Variants in CAMK2D observed in about 807,000 individuals in gnomAD.
CAMK2D encodes the protein calcium/calmodulin dependent protein kinase II delta, also known as calcium/calmodulin-dependent protein kinase type II subunit delta.
A neutral mutation model predicts 84.0 loss-of-function variants in CAMK2D; 37 were observed. The ratio of observed to expected loss-of-function variants is 0.44; its 90% CI spans 0.34 to 0.58. The LOEUF (loss-of-function observed/expected upper bound fraction) is 0.58, where lower values mean the gene tolerates loss of function less well. Ranked by LOEUF, CAMK2D falls within the 20% of genes least tolerant of loss-of-function variation. CAMK2D has a pLI of 0.02. For missense variants in CAMK2D, 448 were observed against 652.5 expected, an observed-to-expected ratio of 0.69 and a Z score of 3.41; for synonymous variants, 202 against 212.5, an observed-to-expected ratio of 0.95 and a Z score of 0.43.
At chr4:113,602,726 C>CT (rs1252299286) in intron 4 of CAMK2D, among the ~76,000 whole-genome samples, 1 of 152,156 alleles carries the variant, frequency 6.6e-6, no homozygotes, top group Non-Finnish European at 1.5e-5. Flanking sequence ...TCTAACCACC[C>CT]TTTTGAGTTA....
chr4:113,753,904 T>A, intron 2 of CAMK2D: 1 of 984,638 alleles, frequency 1.0e-6, no homozygotes, highest in Non-Finnish European at 1.2e-6. Flanking sequence ...AATAATCTTG[T>A]CCTCCTTTAA....
chr4:113,557,787 C>T (rs2098674871), intron 4 of CAMK2D, among the ~76,000 whole-genome samples: 2 of 152,136 alleles, frequency 1.3e-5, no homozygotes, highest in South Asian at 4.1e-4. Context: ...TTCCCCTGGG[C>T]ACATATACGT....
intron 4 of CAMK2D, among the ~76,000 whole-genome samples, chr4:113,590,843 A>G (rs750745768): frequency 2.6e-5 from 4 of 152,182 alleles, no homozygotes; most frequent in Non-Finnish European, 5.9e-5. Context: ...CACATATCAC[A>G]CAATATGACT....
intron 18 of CAMK2D, 93 bp from the exon 19 acceptor site, chr4:113,457,656 G>A (rs1475295739): frequency 2.2e-6 from 2 of 905,884 alleles, no homozygotes; most frequent in African/African-American, 3.3e-5. Context: ...TGAATGAAAT[G>A]ACATTTATTC....
intron 2 of CAMK2D, among the ~76,000 whole-genome samples, chr4:113,755,380 T>C (rs2149113991): frequency 6.6e-6 from 1 of 152,006 alleles, no homozygotes; most frequent in South Asian, 2.1e-4. Context: ...TACAGAAATA[T>C]AAAATGAAAT....
chr4:113,632,990 G>A (rs1402913134), intron 3 of CAMK2D, among the ~76,000 whole-genome samples: 5 of 152,296 alleles, frequency 3.3e-5, no homozygotes, highest in East Asian at 1.9e-4. Flanking sequence ...TTAACTATCT[G>A]CTTCAAATGA....
chr4:113,677,079 C>T (rs1343560006), intron 2 of CAMK2D, among the ~76,000 whole-genome samples: 1 of 152,178 alleles, frequency 6.6e-6, no homozygotes, highest in Non-Finnish European at 1.5e-5. Flanking sequence ...TTTGTGCATG[C>T]TATCCTGGCT....
intron 4 of CAMK2D, among the ~76,000 whole-genome samples, chr4:113,597,466 C>T (rs543196675): frequency 1.3e-5 from 2 of 152,248 alleles, no homozygotes; most frequent in South Asian, 4.1e-4. Flanking sequence ...TAGCTTTCCT[C>T]TATTCTTCTG....
At chr4:113,726,374 CTTTTTTTTT>C (rs34696947) in intron 2 of CAMK2D, among the ~76,000 whole-genome samples, 1 of 69,544 alleles carries the variant, frequency 1.4e-5, no homozygotes, top group Non-Finnish European at 2.5e-5. Flanking sequence ...TTTGCTTGGG[CTTTTTTTTT>C]TTTTTTTTTT....
At chr4:113,650,465 C>T (rs112666682) in intron 3 of CAMK2D, among the ~76,000 whole-genome samples, 15,765 of 146,488 alleles carry the variant, frequency 0.11, 1,059 homozygotes, top group East Asian at 0.18. Context: ...TGCAGTGAGC[C>T]GAGATCGTGA....
intron 13 of CAMK2D, among the ~76,000 whole-genome samples, chr4:113,506,492 G>A (rs1489087729): frequency 6.6e-6 from 1 of 151,964 alleles, no homozygotes; most frequent in South Asian, 2.1e-4. Context: ...AATTTAACAT[G>A]ATATTTGTGC....
intron 16 of CAMK2D, among the ~76,000 whole-genome samples, chr4:113,492,582 T>C (rs1015609266): frequency 3.9e-5 from 6 of 152,000 alleles, no homozygotes; most frequent in Non-Finnish European, 7.4e-5. Flanking sequence ...AATTTTGGAA[T>C]AGGTGTGGTG....
chr4:113,758,143 A>G (rs2099632872), intron 2 of CAMK2D, among the ~76,000 whole-genome samples: 1 of 152,164 alleles, frequency 6.6e-6, no homozygotes, highest in Non-Finnish European at 1.5e-5. Context: ...TCTGTGGAGT[A>G]GAGACTAAGA....
chr4:113,622,634 C>A (rs1052212740), intron 3 of CAMK2D, among the ~76,000 whole-genome samples: 1 of 152,108 alleles, frequency 6.6e-6, no homozygotes, highest in Non-Finnish European at 1.5e-5. Flanking sequence ...CGTGGTGTTG[C>A]ATGCCTTTGG....
intron 3 of CAMK2D, among the ~76,000 whole-genome samples, chr4:113,624,918 A>G (rs571584069): frequency 1.1e-4 from 17 of 152,358 alleles, no homozygotes; most frequent in African/African-American, 3.6e-4. Flanking sequence ...AAAATTTAAC[A>G]TCCTTTTAGC....
intron 2 of CAMK2D, among the ~76,000 whole-genome samples, chr4:113,671,036 TTTTG>T (rs777070818): frequency 3.9e-5 from 6 of 152,332 alleles, no homozygotes; most frequent in Admixed American, 1.3e-4. Flanking sequence ...ACTTCAGGGA[TTTTG>T]TTTTTCTTTT....
At chr4:113,708,688 G>A (rs2099472824) in intron 2 of CAMK2D, among the ~76,000 whole-genome samples, 2 of 151,990 alleles carry the variant, frequency 1.3e-5, no homozygotes, top group South Asian at 2.1e-4. Context: ...AACTGAACAC[G>A]TTTTCTTCCC....
intron 18 of CAMK2D, among the ~76,000 whole-genome samples, chr4:113,459,264 G>C (rs1020907139): frequency 1.3e-5 from 2 of 152,042 alleles, no homozygotes; most frequent in African/African-American, 2.4e-5. Context: ...TGTCACCCAG[G>C]CAGGAGTCCA....
At chr4:113,753,952 C>T (rs904744171) in intron 2 of CAMK2D, 1 of 979,224 alleles carries the variant, frequency 1.0e-6, no homozygotes, top group Non-Finnish European at 1.2e-6. Context: ...AATTGTAATG[C>T]CATTCATGTC....
Sources: allele counts gnomAD v4.1 joint callset (sites outside exome capture counted in the v4.1 genomes callset), GRCh38; gene constraint gnomAD v4.1.1; transcripts MANE v1.5; gene names NCBI Gene and HGNC (gene_info 2026-07-23, HGNC 2026-07-21).